Variants in EMC2 observed in about 807,000 individuals in gnomAD.
The protein encoded by EMC2 is TPR repeat protein 35.
A neutral mutation model predicts 51.6 loss-of-function variants in EMC2; 37 were observed. That is an observed-to-expected ratio of 0.72 (90% CI 0.55 to 0.94). The LOEUF is 0.94. EMC2 is among the 40% of genes least tolerant of loss of function. The probability of loss-of-function intolerance (pLI) is 0.00; values close to 1 mark genes in which losing one functional copy is unlikely to be tolerated. For missense variants in EMC2, 359 were observed against 350.9 expected, an observed-to-expected ratio of 1.02 and a Z score of -0.18; for synonymous variants, 131 against 112.4, an observed-to-expected ratio of 1.17 and a Z score of -1.04.
chr8:108,465,902 AAGCTGC>A (rs1819454331), intron 5 of EMC2, among the ~76,000 whole-genome samples: 1 of 152,226 alleles, frequency 6.6e-6, no homozygotes, highest in Non-Finnish European at 1.5e-5. Flanking sequence ...AACTGAGAAA[AAGCTGC>A]AGCTTTCTAC....
chr8:108,484,588 T>C (rs1198123859), intron 10 of EMC2, among the ~76,000 whole-genome samples: 1 of 152,060 alleles, frequency 6.6e-6, no homozygotes, highest in African/African-American at 2.4e-5. Context: ...TAATTTTTTT[T>C]ATTTTTACTT....
intron 4 of EMC2, among the ~76,000 whole-genome samples, chr8:108,455,324 A>G (rs1275344738): frequency 1.3e-5 from 2 of 152,050 alleles, no homozygotes; most frequent in Non-Finnish European, 2.9e-5. Context: ...GTTATGCCCA[A>G]TCTACTGATA....
chr8:108,463,736 C>T (rs1364930956), intron 5 of EMC2, among the ~76,000 whole-genome samples: 1 of 151,952 alleles, frequency 6.6e-6, no homozygotes, highest in African/African-American at 2.4e-5. Context: ...ATTCAGGCTT[C>T]TCACAGTGGT....
chr8:108,473,123 A>G (rs150532435), intron 7 of EMC2, among the ~76,000 whole-genome samples: 112 of 152,146 alleles, frequency 7.4e-4, no homozygotes, highest in African/African-American at 2.7e-3. Flanking sequence ...TAACCTTTTT[A>G]TATTTTTAAG....
intron 10 of EMC2, among the ~76,000 whole-genome samples, chr8:108,479,397 A>G (rs1451634368): frequency 6.6e-6 from 1 of 152,184 alleles, no homozygotes; most frequent in Non-Finnish European, 1.5e-5. Flanking sequence ...GAAAGGATAA[A>G]TAAATATCAC....
Position 108,459,411 on chromosome 8 carries a change from G to A in EMC2, c.363+3481G>A, listed in dbSNP as rs531846457. Among the ~76,000 whole-genome samples, 35 of 152,274 alleles carry A rather than the reference G, an allele frequency of 2.3e-4. No individual in the cohort carries two copies. In the South Asian group the frequency reaches 4.4e-3, roughly 19 times the overall value. ...TGGGCAATTTACAAAAGAATAAGGT[G>A]TATTGGACTTACAGTTCCACATGGC... On this transcript the variant is annotated intron_variant, in intron 5 of 10. Coordinates refer to ENST00000220853, the MANE Select transcript of EMC2 (RefSeq NM_014673.5).
intron 1 of EMC2, among the ~76,000 whole-genome samples, chr8:108,443,925 C>G (rs1343267737): frequency 6.6e-6 from 1 of 152,180 alleles, no homozygotes; most frequent in East Asian, 1.9e-4. Flanking sequence ...CTGCCCTCCT[C>G]CGCGCCAGTC....
At chr8:108,450,605 C>G in intron 3 of EMC2, 113 bp downstream of exon 3, 1 of 737,760 alleles carries the variant, frequency 1.4e-6, no homozygotes, top group Non-Finnish European at 2.5e-6. Context: ...TTGAGTGCTA[C>G]TCTGAACAGT....
chr8:108,481,909 A>C (rs942816272), intron 10 of EMC2, among the ~76,000 whole-genome samples: 1 of 152,112 alleles, frequency 6.6e-6, no homozygotes. Flanking sequence ...TCATTGTATG[A>C]ATGTTATAAT....
chr8:108,472,619 C>T (rs1810876895), intron 7 of EMC2, among the ~76,000 whole-genome samples: 1 of 150,906 alleles, frequency 6.6e-6, no homozygotes, highest in Non-Finnish European at 1.5e-5. Context: ...TTTTTTGAAA[C>T]TGTGAAAATT....
At position 108,483,204 on chromosome 8, in the gene EMC2, C is replaced by T. The variant is rs147883351; in HGVS notation, c.808-3308C>T. Among the ~76,000 whole-genome samples the T allele has an allele frequency of 8.0e-3, 1,216 of 152,084 alleles. 13 individuals carry two copies. Among genetic ancestry groups the T allele is most frequent in the Non-Finnish European group, 9.6e-3 (653 of 67,996 alleles). ...ATAAGTTATTATGTTTTTCCTTTTC[C>T]CTGTCTCTTCAGTGTGACAAGACCC... On this transcript the variant is annotated intron_variant, in intron 10 of 10. Transcript: ENST00000220853.
rs186652197 is a variant in EMC2 at position 108,471,544 on chromosome 8, T to C, written c.509+1423T>C. ...TTTGTTTGGTTTTTGTCCTTCCTTA[T>C]CTTTTAAAATAAAAGCCCAAAATAA... On this transcript the variant is annotated intron_variant, in intron 7 of 10. Transcript: ENST00000220853. Among the ~76,000 whole-genome samples, 1,484 of 151,970 alleles carry C rather than the reference T, an allele frequency of 9.8e-3. 14 individuals carry two copies. Among genetic ancestry groups the C allele is most frequent in the Non-Finnish European group, 0.014 (926 of 67,810 alleles).
intron 1 of EMC2, among the ~76,000 whole-genome samples, chr8:108,448,964 T>G (rs1818947496): frequency 1.3e-5 from 2 of 152,314 alleles, no homozygotes; most frequent in Admixed American, 1.3e-4. Flanking sequence ...ACTTTAAAGT[T>G]CTCTAGTATG....
At position 108,485,425 on chromosome 8, in the gene EMC2, A is replaced by T. The variant is rs995098821; in HGVS notation, c.808-1087A>T. Among the ~76,000 whole-genome samples, 3 of 145,916 alleles carry T rather than the reference A, an allele frequency of 2.1e-5. No individual in the cohort carries two copies. The Admixed American group carries it at 2.1e-4, about 10-fold the overall frequency. On this transcript the variant is annotated intron_variant, in intron 10 of 10. Transcript: ENST00000220853. ...TGGGTAACATATATATATATAAAAT[A>T]TATACATAATATATAATTAATATAT...
rs1818973455 is a variant in EMC2 at position 108,449,864 on chromosome 8, A to C, written c.82A>C (p.Arg28=). 6.3e-7 allele frequency: 1 copy of C among 1,593,504 alleles called. No homozygotes were observed. Among genetic ancestry groups the C allele is most frequent in the African/African-American group, 1.3e-5 (1 of 74,418 alleles). The part of the protein sequence containing the change: ...KMRKWREENS[R]NSEQIVEVGE... ...GAGAAAATGGAGAGAAGAAAACTCAAGAAATAGTGAGCAAATTGTGGAAGT... is the reference window on the plus strand; with the variant it reads ...GAGAAAATGGAGAGAAGAAAACTCACGAAATAGTGAGCAAATTGTGGAAGT... Residue 28 remains arginine, a synonymous_variant, in exon 2 of 11, where the codon AGA becomes CGA. Transcript: ENST00000220853.
At chr8:108,473,857 A>T (rs1219409718) in intron 7 of EMC2, 2 of 151,974 alleles carry the variant, frequency 1.3e-5, no homozygotes, top group African/African-American at 4.8e-5. Context: ...GATTCAAATT[A>T]TTTTTACTTC....
intron 5 of EMC2, among the ~76,000 whole-genome samples, chr8:108,461,874 C>G (rs1819330687): frequency 6.6e-6 from 1 of 151,998 alleles, no homozygotes; most frequent in South Asian, 2.1e-4. Context: ...TGTCGCCAGG[C>G]TGTGGCTCAC....
At chr8:108,466,442 ATTTTTTTT>A (rs869102478) in intron 5 of EMC2, among the ~76,000 whole-genome samples, 6 of 91,058 alleles carry the variant, frequency 6.6e-5, no homozygotes, top group African/African-American at 1.4e-4. Flanking sequence ...CTATGATAGA[ATTTTTTTT>A]TTTTTTTTTT....
intron 5 of EMC2, among the ~76,000 whole-genome samples, chr8:108,459,735 T>A (rs1456197227): frequency 1.4e-4 from 21 of 151,450 alleles, no homozygotes; most frequent in South Asian, 4.2e-4. Flanking sequence ...TGTGTGTGTG[T>A]GTGTGTGTGT....
Sources: gnomAD v4.1 joint callset for allele counts (sites outside exome capture counted in the v4.1 genomes callset) on GRCh38, gnomAD v4.1.1 for gene constraint, MANE v1.5 for transcripts, NCBI Gene and HGNC (gene_info 2026-07-23, HGNC 2026-07-21) for gene names.